RBFOX1: variants seen among roughly 807,000 people sequenced by gnomAD.
The protein encoded by RBFOX1 is RNA binding fox-1 homolog 1, also known as RNA binding protein fox-1 homolog 1.
In RBFOX1, 8 loss-of-function variants were observed where a neutral mutation model predicts 57.7. That is an observed-to-expected ratio of 0.14 (90% confidence interval 0.08 to 0.25). RBFOX1 has a LOEUF of 0.25. RBFOX1 is among the 10% of genes least tolerant of loss of function. The pLI is 1.00. For synonymous variants in RBFOX1, 326 were observed against 222.4 expected (o/e 1.47, Z -4.15); for missense variants, 611 against 548.5 (o/e 1.11, Z -1.14).
intron 3 of RBFOX1, among the ~76,000 whole-genome samples, chr16:6,730,116 G>C (rs540517579): frequency 1.3e-5 from 2 of 152,220 alleles, no homozygotes; most frequent in South Asian, 4.1e-4. Flanking sequence ...GGCAATTCCT[G>C]CTTCCTTTGA....
intron 2 of RBFOX1, among the ~76,000 whole-genome samples, chr16:6,516,595 C>G (rs1327346859): frequency 6.6e-6 from 1 of 152,116 alleles, no homozygotes; most frequent in East Asian, 1.9e-4. Context: ...TCATAAAACC[C>G]AACACTTTCA....
intron 4 of RBFOX1, among the ~76,000 whole-genome samples, chr16:7,239,977 G>C (rs761801942): frequency 6.6e-6 from 1 of 151,970 alleles, no homozygotes; most frequent in East Asian, 1.9e-4. Context: ...TGATGGTGAC[G>C]ATTATTTGAG....
At position 6,647,780 on chromosome 16, in the gene RBFOX1, G is replaced by T. The variant is rs529056014; in HGVS notation, c.-63-6823G>T. 3.9e-5 allele frequency among the ~76,000 whole-genome samples: 6 copies of T among 152,208 alleles called. No homozygotes were observed. In the East Asian group the frequency reaches 9.7e-4, roughly 25 times the overall value. On this transcript the variant is annotated intron_variant, in intron 2 of 15. Transcript: ENST00000550418. ...AGATGGGATCTTGCTCTGTCACTAG[G>T]TTGGAATGCAGTGGTACAATCTTAG...
At chr16:7,608,174 C>T (rs2056721558) in intron 10 of RBFOX1, among the ~76,000 whole-genome samples, 1 of 152,120 alleles carries the variant, frequency 6.6e-6, no homozygotes, top group Non-Finnish European at 1.5e-5. Context: ...ATAAATAATC[C>T]GTTGACCTAG....
intron 3 of RBFOX1, among the ~76,000 whole-genome samples, chr16:5,780,538 ACAAT>A (rs910108222): frequency 1.6e-4 from 25 of 152,304 alleles, no homozygotes; most frequent in Admixed American, 5.2e-4. Context: ...GTCAATTTAA[ACAAT>A]CAATCAATCA....
chr16:6,895,450 A>ATATATATATATG (rs2066611306), intron 3 of RBFOX1, among the ~76,000 whole-genome samples: 3 of 39,420 alleles, frequency 7.6e-5, no homozygotes, highest in African/African-American at 2.8e-4. Flanking sequence ...GTGTGTGTGT[A>ATATATATATATG]TATATATATA....
intron 1 of RBFOX1, among the ~76,000 whole-genome samples, chr16:6,183,127 A>G (rs1424999282): frequency 1.3e-5 from 2 of 152,280 alleles, no homozygotes; most frequent in South Asian, 2.1e-4. Flanking sequence ...GTCAGGTGGC[A>G]TGTGAGGATA....
At chr16:6,942,458 C>G (rs541186514) in intron 3 of RBFOX1, among the ~76,000 whole-genome samples, 46 of 152,190 alleles carry the variant, frequency 3.0e-4, no homozygotes, top group South Asian at 1.9e-3. Context: ...TGTGCCCAGC[C>G]AGGATGAGCT....
chr16:7,230,560 G>A (rs1409200258), intron 4 of RBFOX1, among the ~76,000 whole-genome samples: 2 of 152,146 alleles, frequency 1.3e-5, no homozygotes, highest in Non-Finnish European at 2.9e-5. Flanking sequence ...ATGAAGGAAA[G>A]GAAAGGAAAG....
intron 4 of RBFOX1, among the ~76,000 whole-genome samples, chr16:5,972,331 C>T (rs740057): frequency 0.016 from 2,405 of 152,246 alleles, 30 homozygotes; most frequent in Non-Finnish European, 0.025. Flanking sequence ...AAAAGAATTC[C>T]GGAATCAGCT....
chr16:6,228,475 C>A (rs568220925), intron 1 of RBFOX1, among the ~76,000 whole-genome samples: 24 of 152,102 alleles, frequency 1.6e-4, no homozygotes, highest in African/African-American at 5.5e-4. Context: ...AAATACAATT[C>A]AGCCTTCAAA....
At position 5,658,792 on chromosome 16, in the gene RBFOX1, A is replaced by ATGTGT. The variant is rs1287147314; in HGVS notation, c.318+59831_318+59832insTGTGT. Among the ~76,000 whole-genome samples the ATGTGT allele has an allele frequency of 2.9e-5, 4 of 136,356 alleles. No individual in the cohort carries two copies. The South Asian group carries it at 8.3e-4, about 28-fold the overall frequency. 89.5% of individuals were successfully genotyped at this position (136,356 alleles called of 152,430 possible). A position where few individuals can be genotyped will look rare whatever the true frequency, so the allele number is the denominator to read the frequency against. ...TATATATGTATATATGTATATATATAATATATGTGTATATATGTATATATA... is the reference window on the plus strand; with the variant it reads ...TATATATGTATATATGTATATATATATGTGTATATATGTGTATATATGTATATATA... On this transcript the variant is annotated intron_variant, in intron 3 of 19. Coordinates refer to the RBFOX1 transcript ENST00000641259.
intron 4 of RBFOX1, among the ~76,000 whole-genome samples, chr16:7,153,104 T>C (rs2076406706): frequency 6.6e-6 from 1 of 152,216 alleles, no homozygotes; most frequent in Non-Finnish European, 1.5e-5. Context: ...CTCTTAATGT[T>C]ATAATCTGGC....
intron 5 of RBFOX1, among the ~76,000 whole-genome samples, chr16:7,550,953 G>T (rs1009353993): frequency 6.6e-6 from 1 of 151,824 alleles, no homozygotes; most frequent in African/African-American, 2.4e-5. Context: ...AATTAGCCGG[G>T]CATGGTGGCG....
chr16:7,243,094 C>A (rs186510031), intron 4 of RBFOX1, among the ~76,000 whole-genome samples: 1 of 151,900 alleles, frequency 6.6e-6, no homozygotes, highest in South Asian at 2.1e-4. Context: ...ATTAGCTGAA[C>A]GTTTTAGGAA....
rs1187488323 is a variant in RBFOX1, at chr16:5,918,033, T to A, written c.351+50698T>A. Among the ~76,000 whole-genome samples, 3 of 152,178 alleles carry A rather than the reference T, an allele frequency of 2.0e-5. 1 individual carries two copies. Among genetic ancestry groups the A allele is most frequent in the Admixed American group, 6.5e-5 (1 of 15,284 alleles). On this transcript the variant is annotated intron_variant, in intron 4 of 19. Coordinates refer to the RBFOX1 transcript ENST00000641259. ...TGATCCTCGCCTTCTAAGAAAGCCC[T>A]CCTTTCACAGGTCAAATTCCATGTC... is the stretch of plus-strand genomic sequence containing the variant.
chr16:6,100,162 T>G lies in RBFOX1; in HGVS notation c.-127+80170T>G, dbSNP rs542475493. ...ATTGTTTTTTTTGTTGTTGTTTTTT[T>G]TTGTTGTTGTTGTTTTTTGAGACGG... On this transcript the variant is annotated intron_variant, in intron 1 of 15. Transcript: ENST00000550418. Among the ~76,000 whole-genome samples the G allele has an allele frequency of 1.7e-3, 256 of 152,142 alleles. No individual in the cohort carries two copies. The Middle Eastern group carries it at 0.017, about 10-fold the overall frequency.
intron 3 of RBFOX1, among the ~76,000 whole-genome samples, chr16:7,011,712 C>A (rs1281304775): frequency 1.3e-5 from 2 of 152,134 alleles, no homozygotes; most frequent in African/African-American, 4.8e-5. Flanking sequence ...ATGGGAGTTT[C>A]ACCATGTTAG....
intron 5 of RBFOX1, among the ~76,000 whole-genome samples, chr16:7,542,499 A>G (rs2083218532): frequency 6.6e-6 from 1 of 152,000 alleles, no homozygotes; most frequent in African/African-American, 2.4e-5. Flanking sequence ...AGAGAGATAG[A>G]AAGAAAGAGA....
Sources: allele counts gnomAD v4.1 joint callset (sites outside exome capture counted in the v4.1 genomes callset), GRCh38; gene constraint gnomAD v4.1.1; transcripts MANE v1.5; gene names NCBI Gene and HGNC (gene_info 2026-07-23, HGNC 2026-07-21).